CISD2: variants seen among roughly 807,000 people sequenced by gnomAD.
CISD2 encodes CDGSH iron sulfur domain 2.
A neutral mutation model predicts 12.9 loss-of-function variants in CISD2; 1 was observed. The observed-to-expected ratio is 0.08, with a 90% CI of 0.03 to 0.37. The LOEUF is 0.37. Ranked by LOEUF, CISD2 falls within the 10% of genes least tolerant of loss-of-function variation. The pLI, the probability that CISD2 is intolerant of heterozygous loss-of-function variation, is 0.99. For missense variants in CISD2, 97 were observed against 163.1 expected, an observed-to-expected ratio of 0.59 and a Z score of 2.21; for synonymous variants, 50 against 60.6, an observed-to-expected ratio of 0.83 and a Z score of 0.81.
At position 102,890,205 on chromosome 4, in the gene CISD2, T is replaced by A. The variant is rs1314321602; in HGVS notation, c.*2775T>A. On this transcript the variant is annotated 3_prime_UTR_variant, in exon 3 of 3. Transcript: ENST00000273986. ...GCTTTGAGTTCAATGCCAAATACGA[T>A]GATTCATTAAGTTGACTTTGTATTT... 6.6e-6 allele frequency: 1 copy of A among 152,240 alleles called. No homozygotes were observed. Among genetic ancestry groups the A allele is most frequent in the Admixed American group, 6.5e-5 (1 of 15,284 alleles). The allele number at this position is 152,240 out of a possible 1,614,324, so 9.4% of individuals were successfully genotyped here. A position where few individuals can be genotyped will look rare whatever the true frequency, so the allele number is the denominator to read the frequency against.
rs1374946996 is a variant in CISD2, at chr4:102,891,510, A to G, written c.*4080A>G. 1 of 152,252 alleles carries G rather than the reference A, an allele frequency of 6.6e-6. No homozygotes were observed. Among genetic ancestry groups the G allele is most frequent in the Non-Finnish European group, 1.5e-5 (1 of 68,042 alleles). 9.4% of individuals were successfully genotyped at this position (152,252 alleles called of 1,614,324 possible). A position where few individuals can be genotyped will look rare whatever the true frequency, so the allele number is the denominator to read the frequency against. On this transcript the variant is annotated 3_prime_UTR_variant, in exon 3 of 3. Coordinates refer to ENST00000273986, the MANE Select transcript of CISD2 (RefSeq NM_001008388.5). ...TTTAGTGATGAATTGGAATCAAGAT[A>G]AGTAGTATGTGTTATTCAAAAAGGC...
At chr4:102,886,355 G>A (rs1311193790) in intron 2 of CISD2, among the ~76,000 whole-genome samples, 3 of 152,126 alleles carry the variant, frequency 2.0e-5, no homozygotes, top group Admixed American at 6.5e-5. Flanking sequence ...GCCAGGCGTG[G>A]TGGCATGCAC....
intron 1 of CISD2, among the ~76,000 whole-genome samples, chr4:102,877,239 A>G (rs189014998): frequency 1.3e-5 from 2 of 152,350 alleles, no homozygotes; most frequent in Non-Finnish European, 2.9e-5. Flanking sequence ...CCTTCCACCT[A>G]TGAGCCAGTA....
chr4:102,885,494 T>A lies in CISD2; in HGVS notation c.318+64T>A, dbSNP rs1389020396. The stretch of plus-strand genomic sequence containing the variant: ...TGCTAGGATTGTTTCGCCTCTTAAA[T>A]CCCCAGTTTTGAAGTTCTTTAAGAT... On this transcript the variant is annotated intron_variant, in intron 2 of 2. Coordinates refer to ENST00000273986, the MANE Select transcript of CISD2 (RefSeq NM_001008388.5). The A allele has an allele frequency of 2.4e-6, 3 of 1,256,700 alleles. No individual in the cohort carries two copies. The African/African-American group carries it at 4.4e-5, about 19-fold the overall frequency. 77.8% of individuals were successfully genotyped at this position (1,256,700 alleles called of 1,614,324 possible).
chr4:102,871,819 A>G (rs1023196838), intron 1 of CISD2, among the ~76,000 whole-genome samples: 7 of 152,228 alleles, frequency 4.6e-5, no homozygotes, highest in African/African-American at 1.7e-4. Context: ...TAGAGCAAAA[A>G]ACAATACAGT....
chr4:102,869,561 G>A, intron 1 of CISD2: 1 of 700,520 alleles, frequency 1.4e-6, no homozygotes, highest in Non-Finnish European at 2.6e-6. Flanking sequence ...GTTATCTAAG[G>A]CCTCATGTAA....
At chr4:102,869,450 G>C in intron 1 of CISD2, 1 of 703,666 alleles carries the variant, frequency 1.4e-6, no homozygotes, top group Non-Finnish European at 2.6e-6. Context: ...GGTTTTTGCA[G>C]AGAAGGTGCT....
chr4:102,879,758 C>T lies in CISD2; in HGVS notation c.104-5458C>T, dbSNP rs546429699. Among the ~76,000 whole-genome samples the T allele has an allele frequency of 5.9e-5, 9 of 151,862 alleles. No homozygotes were observed. In the South Asian group the frequency reaches 6.3e-4, roughly 11 times the overall value. ...CTGCACTCCAGCTTGGGCGACAGAG[C>T]GAGACTCCATCTCAAAAACAAACAA... On this transcript the variant is annotated intron_variant, in intron 1 of 2. Transcript: ENST00000273986.
Position 102,887,525 on chromosome 4 carries a change from T to TTTA in CISD2, c.*98_*100dup, listed in dbSNP as rs1399310083. The stretch of plus-strand genomic sequence containing the variant: ...CTGGTTGAACAATTATTTCTTCCAA[T>TTTA]TTATTTTCTTCCTGCACTACTGTTT... On this transcript the variant is annotated 3_prime_UTR_variant, in exon 3 of 3. Transcript: ENST00000273986. The TTTA allele has an allele frequency of 1.5e-6, 1 of 687,230 alleles. No individual in the cohort carries two copies. The highest frequency in any genetic ancestry group is 1.8e-5 in the African/African-American group (1 of 55,690). 42.6% of individuals were successfully genotyped at this position (687,230 alleles called of 1,614,324 possible). A position where few individuals can be genotyped will look rare whatever the true frequency, so the allele number is the denominator to read the frequency against.
rs1263657172 is a variant in CISD2 at position 102,892,774 on chromosome 4, C to A, written c.*5344C>A. The A allele has an allele frequency of 6.6e-6, 1 of 152,118 alleles. No homozygotes were observed. Among genetic ancestry groups the A allele is most frequent in the African/African-American group, 2.4e-5 (1 of 41,416 alleles). 9.4% of individuals were successfully genotyped at this position (152,118 alleles called of 1,614,324 possible). On this transcript the variant is annotated 3_prime_UTR_variant, in exon 3 of 3. Coordinates refer to ENST00000273986, the MANE Select transcript of CISD2 (RefSeq NM_001008388.5). The stretch of plus-strand genomic sequence containing the variant: ...TTTCATAATTAGAGATAACCCTGTA[C>A]TAGTGAGAAAATAAAAATGTCAAGT...
Position 102,885,524 on chromosome 4 carries a change from G to A in CISD2, c.318+94G>A. ...AGTTTTGAAGTTCTTTAAGATGAGA[G>A]AATTTTCTGTAATATTTGGTATTGA... On this transcript the variant is annotated intron_variant, in intron 2 of 2. Transcript: ENST00000273986. 3 of 956,084 alleles carry A rather than the reference G, an allele frequency of 3.1e-6. No homozygotes were observed. In the South Asian group the frequency reaches 4.1e-5, roughly 13 times the overall value. 59.2% of individuals were successfully genotyped at this position (956,084 alleles called of 1,614,324 possible). A position where few individuals can be genotyped will look rare whatever the true frequency, so the allele number is the denominator to read the frequency against.
rs146281829 is a variant in CISD2 at position 102,880,350 on chromosome 4, C to T, written c.104-4866C>T. 1.4e-3 allele frequency among the ~76,000 whole-genome samples: 217 copies of T among 152,226 alleles called. 1 individual carries two copies. The highest frequency in any genetic ancestry group is 4.5e-3 in the African/African-American group (187 of 41,536). On this transcript the variant is annotated intron_variant, in intron 1 of 2. Transcript: ENST00000273986. Reference sequence around the variant, plus strand: ...GGAGTTGGGGAAATAATATAATAATCTGACATACCATTAAGTGAAAAATGC... The same window carrying T: ...GGAGTTGGGGAAATAATATAATAATTTGACATACCATTAAGTGAAAAATGC...
chr4:102,886,908 C>G (rs1442477173), intron 2 of CISD2, among the ~76,000 whole-genome samples: 1 of 152,154 alleles, frequency 6.6e-6, no homozygotes, highest in Non-Finnish European at 1.5e-5. Context: ...AACTACCGCA[C>G]CAGCCTAAAA....
chr4:102,876,294 T>C (rs887854266), intron 1 of CISD2, among the ~76,000 whole-genome samples: 1 of 152,356 alleles, frequency 6.6e-6, no homozygotes, highest in East Asian at 1.9e-4. Flanking sequence ...TCTGGATTTA[T>C]ACCACAGATA....
At chr4:102,886,499 GAAA>G (rs913243324) in intron 2 of CISD2, among the ~76,000 whole-genome samples, 1 of 150,522 alleles carries the variant, frequency 6.6e-6, no homozygotes, top group Non-Finnish European at 1.5e-5. Flanking sequence ...ACAAAAAAAA[GAAA>G]AAAAAGAATA....
chr4:102,871,629 C>T (rs1384997772), intron 1 of CISD2, among the ~76,000 whole-genome samples: 1 of 152,170 alleles, frequency 6.6e-6, no homozygotes, highest in African/African-American at 2.4e-5. Context: ...ATTTTCCACT[C>T]TCGGTCTCCC....
Position 102,890,775 on chromosome 4 carries a change from G to C in CISD2, c.*3345G>C, listed in dbSNP as rs1734202874. ...GAATCTCTTGAGTTGAGGAGGCCAAGGTTGCAGTGAGCCAAGATTGTGCCA... is the reference window on the plus strand; with the variant it reads ...GAATCTCTTGAGTTGAGGAGGCCAACGTTGCAGTGAGCCAAGATTGTGCCA... On this transcript the variant is annotated 3_prime_UTR_variant, in exon 3 of 3. Transcript: ENST00000273986. 1 of 140,080 alleles carries C rather than the reference G, an allele frequency of 7.1e-6. No homozygotes were observed. The highest frequency in any genetic ancestry group is 2.8e-5 in the African/African-American group (1 of 36,106). The allele number at this position is 140,080 out of a possible 1,614,324, so 8.7% of individuals were successfully genotyped here.
rs75460960 is a variant in CISD2 at position 102,874,936 on chromosome 4, C to T, written c.103+5749C>T. 1.9e-3 allele frequency among the ~76,000 whole-genome samples: 296 copies of T among 152,334 alleles called. 1 individual carries two copies. The highest frequency in any genetic ancestry group is 2.4e-3 in the Non-Finnish European group (166 of 68,036). On this transcript the variant is annotated intron_variant, in intron 1 of 2. Coordinates refer to ENST00000273986, the MANE Select transcript of CISD2 (RefSeq NM_001008388.5). ...TTCCTGTGGCCCTCTAATCCATCTT[C>T]CATCTGATACCAGAGTGACTTCATA...
At chr4:102,879,435 G>A (rs1733665101) in intron 1 of CISD2, among the ~76,000 whole-genome samples, 1 of 152,048 alleles carries the variant, frequency 6.6e-6, no homozygotes, top group Admixed American at 6.6e-5. Flanking sequence ...TTTGTCTTAG[G>A]TGGTGTTTAT....
Sources: gnomAD v4.1 joint callset for allele counts (sites outside exome capture counted in the v4.1 genomes callset) on GRCh38, gnomAD v4.1.1 for gene constraint, MANE v1.5 for transcripts, NCBI Gene and HGNC (gene_info 2026-07-23, HGNC 2026-07-21) for gene names.